MGRN1: variants seen among roughly 807,000 people sequenced by gnomAD.
MGRN1 encodes mahogunin ring finger 1, also known as E3 ubiquitin-protein ligase MGRN1.
In MGRN1, 29 loss-of-function variants were observed where a neutral mutation model predicts 69.2. The ratio of observed to expected loss-of-function variants is 0.42; its 90% CI spans 0.31 to 0.57. The LOEUF (loss-of-function observed/expected upper bound fraction) is 0.57, where lower values mean the gene tolerates loss of function less well. Among genes scored for constraint, MGRN1 ranks in the 20% least tolerant of loss-of-function variants. MGRN1 has a pLI of 0.15. For synonymous variants in MGRN1, 470 were observed against 344.2 expected, an observed-to-expected ratio of 1.37 and a Z score of -4.04; for missense variants, 998 against 796.2, an observed-to-expected ratio of 1.25 and a Z score of -3.05.
At chr16:4,680,239 C>T (rs1441387359) in intron 12 of MGRN1, 142 bp downstream of exon 12, 3 of 808,608 alleles carry the variant, frequency 3.7e-6, no homozygotes, top group Non-Finnish European at 5.8e-6. Flanking sequence ...TCCCGGCCTC[C>T]CTGCCCAGGG....
At chr16:4,674,907 T>C (rs1414857586) in intron 10 of MGRN1, among the ~76,000 whole-genome samples, 1 of 151,984 alleles carries the variant, frequency 6.6e-6, no homozygotes, top group Non-Finnish European at 1.5e-5. Flanking sequence ...CCCAAAGTGC[T>C]GGGATTACAG....
intron 1 of MGRN1, among the ~76,000 whole-genome samples, chr16:4,640,953 C>A (rs577487530): frequency 1.3e-5 from 2 of 152,196 alleles, no homozygotes; most frequent in Non-Finnish European, 2.9e-5. Flanking sequence ...CCTTGTCTGC[C>A]CCTCTTTCCT....
chr16:4,687,854 T>C, intron 16 of MGRN1: 3 of 985,474 alleles, frequency 3.0e-6, no homozygotes, highest in Non-Finnish European at 3.6e-6. Flanking sequence ...TGCATTCCCA[T>C]GAACCTCTGT....
At chr16:4,665,179 C>T (rs377625888) in intron 7 of MGRN1, 28 bp downstream of exon 7, 245 of 1,613,618 alleles carry the variant, frequency 1.5e-4, no homozygotes, top group Non-Finnish European at 1.9e-4. Flanking sequence ...ATCACTTTCC[C>T]GGGGACCTGG....
chr16:4,672,481 G>A lies in MGRN1; in HGVS notation c.796-1017G>A, dbSNP rs1040231263. The A allele has an allele frequency of 1.5e-5, 7 of 456,572 alleles. No homozygotes were observed. In the Admixed American group the frequency reaches 1.6e-4, roughly 11 times the overall value. 28.3% of individuals were successfully genotyped at this position (456,572 alleles called of 1,614,324 possible). A position where few individuals can be genotyped will look rare whatever the true frequency, so the allele number is the denominator to read the frequency against. On this transcript the variant is annotated intron_variant, in intron 9 of 16. Coordinates refer to ENST00000262370, the MANE Select transcript of MGRN1 (RefSeq NM_015246.4). ...TGGAGCAGCTCCACGTGGCGGGAGC[G>A]GAGCACCTGGCCGGGCCTCGCCTCA...
chr16:4,663,293 A>G (rs1460225166), intron 5 of MGRN1, among the ~76,000 whole-genome samples: 1 of 146,558 alleles, frequency 6.8e-6, no homozygotes, highest in Non-Finnish European at 1.5e-5. Context: ...CAAACTGCTG[A>G]CCTCAGGTGA....
chr16:4,648,190 C>A (rs559258358), intron 1 of MGRN1, among the ~76,000 whole-genome samples: 30 of 152,318 alleles, frequency 2.0e-4, no homozygotes, highest in African/African-American at 7.0e-4. Context: ...TCTGAGCATC[C>A]TTGAAATCCA....
At chr16:4,686,345 G>A (rs916881948) in intron 16 of MGRN1, 15 of 1,537,248 alleles carry the variant, frequency 9.8e-6, no homozygotes, top group African/African-American at 2.7e-5. Flanking sequence ...TCTGACGCGC[G>A]TCCTTGGAGA....
At chr16:4,680,368 T>C in intron 12 of MGRN1, 2 of 446,418 alleles carry the variant, frequency 4.5e-6, no homozygotes, top group Non-Finnish European at 8.1e-6. Flanking sequence ...TTCCCTTTTT[T>C]TTCTTGCTGG....
rs754770370 is a variant in MGRN1 at position 4,688,780 on chromosome 16, C to G, written c.1619-16C>G. The G allele has an allele frequency of 1.3e-6, 2 of 1,534,226 alleles. No homozygotes were observed. Among genetic ancestry groups the G allele is most frequent in the Middle Eastern group, 3.4e-4 (2 of 5,860 alleles). On this transcript the variant is annotated splice_polypyrimidine_tract_variant and intron_variant, in intron 16 of 16. Transcript: ENST00000262370. Reference sequence around the variant, plus strand: ...GCATCCGAGTGTGACCCTCCTCCCTCTGCTCCCACCTGCAGGACGGCCCAC... The same window carrying G: ...GCATCCGAGTGTGACCCTCCTCCCTGTGCTCCCACCTGCAGGACGGCCCAC...
At chr16:4,656,033 C>G (rs559354603) in intron 4 of MGRN1, among the ~76,000 whole-genome samples, 1 of 152,334 alleles carries the variant, frequency 6.6e-6, no homozygotes, top group East Asian at 1.9e-4. Flanking sequence ...GGTGGCCCCC[C>G]CACGCCCCAT....
intron 4 of MGRN1, among the ~76,000 whole-genome samples, chr16:4,654,891 T>C (rs2078496584): frequency 6.6e-6 from 1 of 152,176 alleles, no homozygotes. Context: ...GGAGCAGCAC[T>C]TTGGGGAGGA....
chr16:4,683,189 C>G lies in MGRN1; in HGVS notation c.1483-35C>G, dbSNP rs770166358. 1.3e-5 allele frequency: 21 copies of G among 1,611,910 alleles called. No homozygotes were observed. The Middle Eastern group carries it at 4.9e-4, about 38-fold the overall frequency. On this transcript the variant is annotated intron_variant, in intron 14 of 16. Transcript: ENST00000262370. ...GTCCTGGAGCGGTGGCCGCGGCTCT[C>G]TGAGCTCTAGGCTACTTTCCCCTTT...
At chr16:4,650,552 C>T (rs961232446) in intron 2 of MGRN1, 69 bp downstream of exon 2, 13 of 1,265,888 alleles carry the variant, frequency 1.0e-5, no homozygotes, top group Non-Finnish European at 1.4e-5. Flanking sequence ...CAGTCCGCAT[C>T]CCAGCCATGA....
intron 8 of MGRN1, among the ~76,000 whole-genome samples, chr16:4,668,648 ACT>A (rs1266980877): frequency 5.9e-5 from 9 of 151,770 alleles, no homozygotes; most frequent in East Asian, 1.9e-4. Context: ...ACTCAGACAC[ACT>A]CATATACTCA....
At chr16:4,683,356 G>C in intron 15 of MGRN1, 87 bp downstream of exon 15, 1 of 1,486,364 alleles carries the variant, frequency 6.7e-7, no homozygotes, top group Non-Finnish European at 9.3e-7. Flanking sequence ...AGGTGGTGTT[G>C]GGCCAGCACC....
chr16:4,681,718 G>T lies in MGRN1; in HGVS notation c.1300G>T (p.Asp434Tyr). The change falls in exon 13 of 17, where the codon GAC (aspartate) becomes TAC (tyrosine). Residue 434 changes from aspartate to tyrosine, a missense_variant. By Grantham distance (160) the Asp-to-Tyr change is radical. Transcript: ENST00000262370. ...GGCCAGCTGTCCCCTCGCGGCTATC[G>T]ACCACATCCTGGACAGCAGCCGCCA... The part of the protein sequence containing the change: ...SQASCPLAAI[D>Y]HILDSSRQKG... The T allele has an allele frequency of 6.2e-7, 1 of 1,613,068 alleles. No individual in the cohort carries two copies. The highest frequency in any genetic ancestry group is 1.1e-5 in the South Asian group (1 of 91,046).
At chr16:4,631,078 T>G (rs1299325506) in intron 1 of MGRN1, among the ~76,000 whole-genome samples, 2 of 152,168 alleles carry the variant, frequency 1.3e-5, no homozygotes, top group Non-Finnish European at 2.9e-5. Context: ...CACCTTGGCC[T>G]TCCAGAGTGC....
At chr16:4,630,319 C>T (rs1897934115) in intron 1 of MGRN1, among the ~76,000 whole-genome samples, 1 of 148,710 alleles carries the variant, frequency 6.7e-6, no homozygotes, top group Non-Finnish European at 1.5e-5. Context: ...TATGCCACTG[C>T]ACTCCAGCCT....
Sources: allele counts gnomAD v4.1 joint callset (sites outside exome capture counted in the v4.1 genomes callset), GRCh38; gene constraint gnomAD v4.1.1; transcripts MANE v1.5; gene names NCBI Gene and HGNC (gene_info 2026-07-23, HGNC 2026-07-21).